The following SIRT5 variants were observed in gnomAD, a reference collection of about 807,000 sequenced individuals.
The protein encoded by SIRT5 is sirtuin 5.
Under a neutral mutation model 40.0 loss-of-function variants are expected in SIRT5, and 26 were observed. The ratio of observed to expected loss-of-function variants is 0.65; its 90% CI spans 0.48 to 0.90. The LOEUF (loss-of-function observed/expected upper bound fraction) is 0.90, where lower values mean the gene tolerates loss of function less well. Ranked by LOEUF, SIRT5 falls within the 40% of genes least tolerant of loss-of-function variation. SIRT5 has a pLI of 0.00. For missense variants in SIRT5, 401 were observed against 402.4 expected (o/e 1.00, Z 0.03); for synonymous variants, 146 against 149.1 (o/e 0.98, Z 0.15).
intron 3 of SIRT5, among the ~76,000 whole-genome samples, 186 bp downstream of exon 3, chr6:13,584,411 T>C (rs1277328904): frequency 6.6e-6 from 1 of 152,100 alleles, no homozygotes; most frequent in Non-Finnish European, 1.5e-5. Context: ...AGTGCGGTGG[T>C]GCGACCTCGG....
At chr6:13,577,722 T>G (rs114545079) in intron 1 of SIRT5, among the ~76,000 whole-genome samples, 2,259 of 148,520 alleles carry the variant, frequency 0.015, 54 homozygotes, top group African/African-American at 0.053. Context: ...TATCTATATT[T>G]TATATACATA....
At chr6:13,575,618 A>C (rs1167105464) in intron 1 of SIRT5, among the ~76,000 whole-genome samples, 1 of 152,090 alleles carries the variant, frequency 6.6e-6, no homozygotes, top group Admixed American at 6.5e-5. Context: ...TACATTGTAG[A>C]AAGATTAAAT....
In SIRT5 at chr6:13,611,775, C is replaced by G. The variant is rs1438041277; in HGVS notation, c.858-15C>G. On this transcript the variant is annotated splice_polypyrimidine_tract_variant and intron_variant, in intron 9 of 9. Transcript: ENST00000606117. ...CTGTAGTTCAAAACTGCTGTATTTG[C>G]TTCTTCTCTTTCAGGTTTCATTTCC... 3.1e-6 allele frequency: 5 copies of G among 1,595,264 alleles called. No individual in the cohort carries two copies. Among genetic ancestry groups the G allele is most frequent in the Non-Finnish European group, 2.6e-6 (3 of 1,162,956 alleles).
Position 13,608,493 on chromosome 6 carries a change from G to A in SIRT5, c.858-3297G>A, listed in dbSNP as rs893950485. Among the ~76,000 whole-genome samples the A allele has an allele frequency of 2.0e-5, 3 of 152,100 alleles. No homozygotes were observed. The South Asian group carries it at 6.2e-4, about 32-fold the overall frequency. ...CCCGGCTACTTGGGAGGCTGAGGTGGGAGAATCCCTTGAGCCTGGGAGGCA... is the reference window on the plus strand; with the variant it reads ...CCCGGCTACTTGGGAGGCTGAGGTGAGAGAATCCCTTGAGCCTGGGAGGCA... On this transcript the variant is annotated intron_variant, in intron 9 of 9. Coordinates refer to ENST00000606117, the MANE Select transcript of SIRT5 (RefSeq NM_012241.5).
At chr6:13,600,991 G>A in intron 9 of SIRT5, 42 bp downstream of exon 9, 1 of 1,458,986 alleles carries the variant, frequency 6.9e-7, no homozygotes, top group Non-Finnish European at 9.6e-7. Context: ...GTGGGAGGCA[G>A]GTACAGACAT....
chr6:13,595,262 T>G (rs1327899805), intron 5 of SIRT5, among the ~76,000 whole-genome samples: 1 of 152,198 alleles, frequency 6.6e-6, no homozygotes, highest in African/African-American at 2.4e-5. Flanking sequence ...TAGTCCCAGC[T>G]GCTCAGGAGG....
chr6:13,610,327 G>A (rs549840758), intron 9 of SIRT5, among the ~76,000 whole-genome samples: 1 of 152,296 alleles, frequency 6.6e-6, no homozygotes, highest in Non-Finnish European at 1.5e-5. Context: ...CTTCCAAGTT[G>A]TATGCCAAAA....
intron 7 of SIRT5, among the ~76,000 whole-genome samples, chr6:13,598,825 C>CAAAA (rs368964409): frequency 1.1e-4 from 5 of 47,056 alleles, no homozygotes; most frequent in Non-Finnish European, 2.2e-4. Flanking sequence ...GACTCCGTCT[C>CAAAA]AAAAAAAAAA....
In SIRT5 at chr6:13,611,934, T is replaced by C; in HGVS notation, c.*69T>C. On this transcript the variant is annotated 3_prime_UTR_variant, in exon 10 of 10. Coordinates refer to ENST00000606117, the MANE Select transcript of SIRT5 (RefSeq NM_012241.5). ...GCCACACGCAGAGGAGAAATGGTCT[T>C]ATGGGTGGTGAGCTGAGTACTGAAC... 6.8e-7 allele frequency: 1 copy of C among 1,467,250 alleles called. No individual in the cohort carries two copies. The highest frequency in any genetic ancestry group is 1.7e-5 in the Admixed American group (1 of 59,460). 90.9% of individuals were successfully genotyped at this position (1,467,250 alleles called of 1,614,324 possible).
At chr6:13,602,373 G>A (rs943443269) in intron 9 of SIRT5, among the ~76,000 whole-genome samples, 18 of 152,160 alleles carry the variant, frequency 1.2e-4, no homozygotes, top group Non-Finnish European at 1.5e-5. Context: ...GATGGCACAT[G>A]CCTGTAATCC....
chr6:13,575,359 T>G (rs983425266), intron 1 of SIRT5, among the ~76,000 whole-genome samples: 1 of 151,982 alleles, frequency 6.6e-6, no homozygotes, highest in African/African-American at 2.4e-5. Context: ...GGAGACGACC[T>G]TGAGGAAAGC....
intron 9 of SIRT5, among the ~76,000 whole-genome samples, chr6:13,608,962 C>T (rs895455177): frequency 6.6e-6 from 1 of 152,094 alleles, no homozygotes; most frequent in Admixed American, 6.6e-5. Context: ...GTTGGGATCA[C>T]AGGTGCCTGC....
intron 3 of SIRT5, 147 bp from the exon 4 acceptor site, chr6:13,588,184 G>T (rs1316862694): frequency 2.0e-6 from 2 of 992,160 alleles, no homozygotes. Flanking sequence ...GGTCACATGG[G>T]GATGGTGTTT....
rs1760371783 is a variant in SIRT5, at chr6:13,588,447, A to G, written c.232A>G (p.Arg78Gly). The G allele has an allele frequency of 6.2e-7, 1 of 1,613,918 alleles. No individual in the cohort carries two copies. Among genetic ancestry groups the G allele is most frequent in the South Asian group, 1.1e-5 (1 of 91,058 alleles). The change falls in exon 4 of 10, where the codon AGA becomes GGA. Residue 78 changes from arginine (R) to glycine (G), a missense_variant. By Grantham distance (125) the Arg-to-Gly change is moderately radical. Transcript: ENST00000606117. Reference sequence around the variant, plus strand: ...CTTCAGAGGAGCTGGAGGTTATTGGAGAAAATGGCAAGCCCAGGTTTGTAA... The same window carrying G: ...CTTCAGAGGAGCTGGAGGTTATTGGGGAAAATGGCAAGCCCAGGTTTGTAA... ...PTFRGAGGYW[R>G]KWQAQDLATP... is the part of the protein sequence containing the mutation.
Position 13,613,020 on chromosome 6 carries a change from C to T in SIRT5, c.*1155C>T, listed in dbSNP as rs981610922. 6.6e-6 allele frequency: 1 copy of T among 152,432 alleles called. No individual in the cohort carries two copies. Among genetic ancestry groups the T allele is most frequent in the Non-Finnish European group, 1.5e-5 (1 of 68,052 alleles). The allele number at this position is 152,432 out of a possible 1,614,324, so 9.4% of individuals were successfully genotyped here. On this transcript the variant is annotated 3_prime_UTR_variant, in exon 10 of 10. Transcript: ENST00000606117. ...ACTTCAGTAGGGATGGCACCAGGTT[C>T]AAGAGGCCAAAGAAGAGACCTGGAG...
chr6:13,597,818 T>C (rs1761799394), intron 7 of SIRT5, among the ~76,000 whole-genome samples: 1 of 152,168 alleles, frequency 6.6e-6, no homozygotes, highest in Non-Finnish European at 1.5e-5. Context: ...CATGCTGGGA[T>C]TACAGGCGTG....
rs201863432 is a variant in SIRT5 at position 13,579,454 on chromosome 6, A to G, written c.-191A>G. 3.3e-5 allele frequency: 5 copies of G among 152,218 alleles called. No homozygotes were observed. The highest frequency in any genetic ancestry group is 7.3e-5 in the Non-Finnish European group (5 of 68,044). The allele number at this position is 152,218 out of a possible 1,614,324, so 9.4% of individuals were successfully genotyped here. A position where few individuals can be genotyped will look rare whatever the true frequency, so the allele number is the denominator to read the frequency against. On this transcript the variant is annotated 5_prime_UTR_variant, in exon 2 of 10. The change abolishes an upstream ATG in the 5' untranslated region. Coordinates refer to ENST00000606117, the MANE Select transcript of SIRT5 (RefSeq NM_012241.5). ...GTTTTTTTGAATTCTTTTACAGTAAATGGAAATGTTTTCTAACATATAAAA... is the reference window on the plus strand; with the variant it reads ...GTTTTTTTGAATTCTTTTACAGTAAGTGGAAATGTTTTCTAACATATAAAA...
intron 9 of SIRT5, chr6:13,605,104 G>A: frequency 4.1e-6 from 4 of 985,556 alleles, no homozygotes; most frequent in Non-Finnish European, 4.8e-6. Flanking sequence ...TTTAAACACA[G>A]AGCTTAACAA....
chr6:13,606,039 A>T (rs1369076664), intron 9 of SIRT5, among the ~76,000 whole-genome samples: 1 of 152,372 alleles, frequency 6.6e-6, no homozygotes, highest in East Asian at 1.9e-4. Flanking sequence ...TACCAAGGAA[A>T]GATTATATTC....
Sources: allele counts gnomAD v4.1 joint callset (sites outside exome capture counted in the v4.1 genomes callset), GRCh38; gene constraint gnomAD v4.1.1; transcripts MANE v1.5; gene names NCBI Gene and HGNC (gene_info 2026-07-23, HGNC 2026-07-21).